L3MBTL3: variants seen among roughly 807,000 people sequenced by gnomAD.
L3MBTL3 encodes lethal(3)malignant brain tumor-like protein 3.
A neutral mutation model predicts 102.3 loss-of-function variants in L3MBTL3; 27 were observed. The ratio of observed to expected loss-of-function variants is 0.26; its 90% confidence interval spans 0.19 to 0.36. The LOEUF (loss-of-function observed/expected upper bound fraction) is 0.36. Among genes scored for constraint, L3MBTL3 ranks in the 10% least tolerant of loss-of-function variants. The probability of loss-of-function intolerance (pLI) is 1.00; values close to 1 mark genes in which losing one functional copy is unlikely to be tolerated. For missense variants in L3MBTL3, 798 were observed against 955.3 expected, an observed-to-expected ratio of 0.84 and a Z score of 2.17; for synonymous variants, 340 against 320.9, an observed-to-expected ratio of 1.06 and a Z score of -0.64.
At chr6:130,125,259 G>T (rs375871846) in intron 20 of L3MBTL3, among the ~76,000 whole-genome samples, 2 of 152,164 alleles carry the variant, frequency 1.3e-5, no homozygotes, top group East Asian at 1.9e-4. Context: ...TCAGTCTCTC[G>T]TTCTGTCGAG....
chr6:130,092,340 T>G (rs117229956), intron 16 of L3MBTL3, among the ~76,000 whole-genome samples: 3,226 of 152,132 alleles, frequency 0.021, 66 homozygotes, highest in Non-Finnish European at 0.032. Context: ...CTCTCCTTCC[T>G]CTCTACCCTC....
At chr6:130,028,827 C>T (rs887926727) in intron 2 of L3MBTL3, among the ~76,000 whole-genome samples, 4 of 152,204 alleles carry the variant, frequency 2.6e-5, no homozygotes, top group Non-Finnish European at 4.4e-5. Context: ...TCTCCACTGA[C>T]ACTTATATAA....
At chr6:130,062,577 T>A (rs970800790) in intron 10 of L3MBTL3, among the ~76,000 whole-genome samples, 2 of 149,368 alleles carry the variant, frequency 1.3e-5, no homozygotes, top group African/African-American at 4.9e-5. Context: ...TTTTTTTTTT[T>A]AGAAATGGGG....
In L3MBTL3 at chr6:130,092,726, A is replaced by G; in HGVS notation, c.1519-19A>G. The stretch of plus-strand genomic sequence containing the variant: ...TTTTATGACTTAATTTGTACTGTTA[A>G]TGTCCTTGTGTCATCCAGGTTCACT... On this transcript the variant is annotated intron_variant, in intron 16 of 22. Transcript: ENST00000361794. 1 of 1,494,140 alleles carries G rather than the reference A, an allele frequency of 6.7e-7. No individual in the cohort carries two copies. Among genetic ancestry groups the G allele is most frequent in the Non-Finnish European group, 9.3e-7 (1 of 1,071,752 alleles). 92.6% of individuals were successfully genotyped at this position (1,494,140 alleles called of 1,614,324 possible).
chr6:130,125,400 T>C (rs1011253692), intron 20 of L3MBTL3, among the ~76,000 whole-genome samples: 3 of 152,196 alleles, frequency 2.0e-5, no homozygotes, highest in African/African-American at 7.2e-5. Context: ...CCTTGTGCAT[T>C]GCTAACGTCA....
intron 17 of L3MBTL3, among the ~76,000 whole-genome samples, chr6:130,093,103 T>C (rs4897365): frequency 1 from 152,182 of 152,320 alleles, 76,022 homozygotes; most frequent in Non-Finnish European, 1. Context: ...AATATCACCT[T>C]TTACAATTAG....
chr6:130,023,073 C>A (rs1381583346), intron 2 of L3MBTL3, among the ~76,000 whole-genome samples: 1 of 151,294 alleles, frequency 6.6e-6, no homozygotes, highest in African/African-American at 2.4e-5. Flanking sequence ...TTTTTTCTTC[C>A]TTTAATCTTC....
intron 11 of L3MBTL3, 124 bp downstream of exon 11, chr6:130,066,612 GT>G: frequency 1.3e-6 from 1 of 797,696 alleles, no homozygotes; most frequent in Non-Finnish European, 1.9e-6. Flanking sequence ...TAACCTTATT[GT>G]TTATGATGAA....
chr6:130,063,244 G>A (rs1478738502), intron 10 of L3MBTL3, among the ~76,000 whole-genome samples: 1 of 152,116 alleles, frequency 6.6e-6, no homozygotes. Context: ...TCTGTTTGGA[G>A]GCACACATTT....
chr6:130,059,176 T>C (rs1351970352), intron 9 of L3MBTL3, among the ~76,000 whole-genome samples: 1 of 152,216 alleles, frequency 6.6e-6, no homozygotes, highest in Non-Finnish European at 1.5e-5. Flanking sequence ...ATGTCTCTTA[T>C]AGCCCTGCCC....
At chr6:130,058,149 C>CAAA (rs61250078) in intron 9 of L3MBTL3, among the ~76,000 whole-genome samples, 10 of 89,152 alleles carry the variant, frequency 1.1e-4, no homozygotes, top group African/African-American at 4.0e-4. Flanking sequence ...GACTCCGTCT[C>CAAA]AAAAAAAAAA....
intron 19 of L3MBTL3, among the ~76,000 whole-genome samples, chr6:130,112,242 C>T (rs1259956387): frequency 1.3e-5 from 2 of 152,184 alleles, no homozygotes; most frequent in Non-Finnish European, 2.9e-5. Context: ...GGGGCCATGT[C>T]TTTTCTTACT....
intron 2 of L3MBTL3, among the ~76,000 whole-genome samples, chr6:130,031,799 G>T (rs1363722405): frequency 6.6e-6 from 1 of 151,794 alleles, no homozygotes; most frequent in Non-Finnish European, 1.5e-5. Context: ...GTCTTTTCTG[G>T]TGCCATGTAA....
intron 10 of L3MBTL3, among the ~76,000 whole-genome samples, chr6:130,062,163 G>A (rs1781937665): frequency 1.3e-5 from 2 of 152,108 alleles, no homozygotes; most frequent in Admixed American, 6.5e-5. Context: ...TATTATAAAA[G>A]TAATGTTTGC....
chr6:130,066,595 A>C, intron 11 of L3MBTL3, 107 bp downstream of exon 11: 1 of 946,840 alleles, frequency 1.1e-6, no homozygotes, highest in South Asian at 1.6e-5. Flanking sequence ...TCAGATAGGC[A>C]CAAATTTAAC....
Position 130,055,263 on chromosome 6 carries a change from G to A in L3MBTL3, c.667+8G>A, listed in dbSNP as rs567458014. ...CGGCTGTACTAAAGCAGGGTGAGCT[G>A]ATGAAAATAAAGTCTTACTTGTAAC... is the stretch of plus-strand genomic sequence containing the variant. On this transcript the variant is annotated splice_region_variant and intron_variant, in intron 8 of 22. Coordinates refer to ENST00000361794, the MANE Select transcript of L3MBTL3 (RefSeq NM_032438.4). 1.9e-6 allele frequency: 3 copies of A among 1,603,616 alleles called. No individual in the cohort carries two copies. In the Admixed American group the frequency reaches 5.1e-5, roughly 28 times the overall value.
At chr6:130,061,212 A>C (rs1281297351) in intron 10 of L3MBTL3, among the ~76,000 whole-genome samples, 2 of 151,534 alleles carry the variant, frequency 1.3e-5, no homozygotes, top group Admixed American at 6.6e-5. Context: ...AGCCTCCTGA[A>C]TAGCTAGGAC....
intron 18 of L3MBTL3, among the ~76,000 whole-genome samples, 162 bp from the exon 19 acceptor site, chr6:130,104,264 G>T (rs911711544): frequency 6.6e-6 from 1 of 152,096 alleles, no homozygotes. Context: ...ATGTTTTAAA[G>T]ATAAAATATG....
At chr6:130,137,400 G>A (rs1208891830) in intron 22 of L3MBTL3, among the ~76,000 whole-genome samples, 1 of 152,180 alleles carries the variant, frequency 6.6e-6, no homozygotes, top group East Asian at 1.9e-4. Flanking sequence ...TTGTTCTTAG[G>A]ATGTACTTTC....
Sources: allele counts gnomAD v4.1 joint callset (sites outside exome capture counted in the v4.1 genomes callset), GRCh38; gene constraint gnomAD v4.1.1; transcripts MANE v1.5; gene names NCBI Gene and HGNC (gene_info 2026-07-23, HGNC 2026-07-21).